The following XKR4 variants were observed in gnomAD, a reference collection of about 807,000 sequenced individuals.
The protein encoded by XKR4 is XK-related protein 4.
A neutral mutation model predicts 53.9 loss-of-function variants in XKR4; 12 were observed. The ratio of observed to expected loss-of-function variants is 0.22; its 90% CI spans 0.14 to 0.36. XKR4 has a LOEUF of 0.36. Ranked by LOEUF, XKR4 falls within the 10% of genes least tolerant of loss-of-function variation. The pLI is 1.00. For missense variants in XKR4, 799 were observed against 859.5 expected (o/e 0.93, Z 0.88); for synonymous variants, 354 against 362.4 (o/e 0.98, Z 0.26).
At chr8:55,223,762 T>G (rs958397579) in intron 1 of XKR4, among the ~76,000 whole-genome samples, 1 of 152,208 alleles carries the variant, frequency 6.6e-6, no homozygotes, top group African/African-American at 2.4e-5. Flanking sequence ...CATGGGTACT[T>G]AAGCAGAAAG....
At chr8:55,411,318 A>G (rs1267450402) in intron 2 of XKR4, among the ~76,000 whole-genome samples, 1 of 152,192 alleles carries the variant, frequency 6.6e-6, no homozygotes, top group Admixed American at 6.5e-5. Context: ...AATTCTTGTG[A>G]GGATTGAATG....
rs1458890381 is a variant in XKR4 at position 55,327,301 on chromosome 8, A to G, written c.807-30377A>G. Among the ~76,000 whole-genome samples, 7 of 152,254 alleles carry G rather than the reference A, an allele frequency of 4.6e-5. No individual in the cohort carries two copies. The South Asian group carries it at 1.2e-3, about 27-fold the overall frequency. On this transcript the variant is annotated intron_variant, in intron 1 of 2. Coordinates refer to ENST00000327381, the MANE Select transcript of XKR4 (RefSeq NM_052898.2). ...TAGGTTTTCTCCCCCATTTAGAAAA[A>G]TAAAATGTTTATAATATATGCTCAA...
intron 2 of XKR4, among the ~76,000 whole-genome samples, chr8:55,487,944 C>T (rs566982431): frequency 1.5e-4 from 23 of 152,218 alleles, no homozygotes; most frequent in South Asian, 2.1e-4. Flanking sequence ...CAAAAATGCA[C>T]TAATCCCTTC....
intron 1 of XKR4, among the ~76,000 whole-genome samples, chr8:55,346,153 T>G (rs1395867382): frequency 6.6e-6 from 1 of 151,694 alleles, no homozygotes; most frequent in Non-Finnish European, 1.5e-5. Flanking sequence ...TGGCACAATC[T>G]TGGCTCACTG....
chr8:55,455,280 G>A lies in XKR4; in HGVS notation c.1007-68001G>A, dbSNP rs564332011. On this transcript the variant is annotated intron_variant, in intron 2 of 2. Transcript: ENST00000327381. ...CGCAGCGGCTGCGGCTGCGGCGGCG[G>A]CCCGGGCTCCAGACACCATCTTCTC... 445 of 165,470 alleles carry A rather than the reference G, an allele frequency of 2.7e-3. 4 individuals carry two copies. The highest frequency in any genetic ancestry group is 0.01 in the African/African-American group (420 of 41,644). The allele number at this position is 165,470 out of a possible 1,614,324, so 10.3% of individuals were successfully genotyped here.
chr8:55,496,444 C>A (rs180891703), intron 2 of XKR4, among the ~76,000 whole-genome samples: 11 of 152,272 alleles, frequency 7.2e-5, no homozygotes, highest in South Asian at 2.1e-4. Context: ...GATTCTGTCC[C>A]TTACAAAAGG....
At chr8:55,346,675 T>G (rs1326720493) in intron 1 of XKR4, among the ~76,000 whole-genome samples, 1 of 128,510 alleles carries the variant, frequency 7.8e-6, no homozygotes, top group African/African-American at 3.4e-5. Context: ...AACAGAAACC[T>G]GTTGAGGTTA....
intron 1 of XKR4, among the ~76,000 whole-genome samples, chr8:55,131,163 AAAC>A (rs56967446): frequency 1.3e-5 from 2 of 150,206 alleles, no homozygotes; most frequent in African/African-American, 4.9e-5. Context: ...GCTGTCTCAA[AAAC>A]AACAACAACA....
intron 2 of XKR4, among the ~76,000 whole-genome samples, chr8:55,478,282 T>C (rs1806036051): frequency 6.6e-6 from 1 of 152,064 alleles, no homozygotes; most frequent in Admixed American, 6.6e-5. Flanking sequence ...ACCCAGAATT[T>C]CATATCCAGC....
intron 1 of XKR4, among the ~76,000 whole-genome samples, chr8:55,310,287 C>T (rs1819370142): frequency 1.3e-5 from 2 of 152,174 alleles, no homozygotes; most frequent in South Asian, 2.1e-4. Context: ...GAATGGGCTC[C>T]GGGGTCAGAC....
At chr8:55,398,685 C>A (rs1804558075) in intron 2 of XKR4, among the ~76,000 whole-genome samples, 1 of 152,200 alleles carries the variant, frequency 6.6e-6, no homozygotes, top group East Asian at 1.9e-4. Context: ...TAATAACATC[C>A]AGGAGGAGAC....
chr8:55,456,066 C>A (rs1805565271), intron 2 of XKR4, among the ~76,000 whole-genome samples: 1 of 152,124 alleles, frequency 6.6e-6, no homozygotes, highest in South Asian at 2.1e-4. Context: ...TGGGGCAAAA[C>A]AATTACTAAG....
At chr8:55,233,661 CA>C (rs1179727452) in intron 1 of XKR4, among the ~76,000 whole-genome samples, 1 of 152,240 alleles carries the variant, frequency 6.6e-6, no homozygotes, top group Non-Finnish European at 1.5e-5. Context: ...GGGACACCCC[CA>C]AAGTATGCAA....
Position 55,537,276 on chromosome 8 carries a change from A to G in XKR4, c.*13049A>G, listed in dbSNP as rs1324524867. On this transcript the variant is annotated 3_prime_UTR_variant, in exon 3 of 3. Coordinates refer to ENST00000327381, the MANE Select transcript of XKR4 (RefSeq NM_052898.2). Reference sequence around the variant, plus strand: ...CGTCAAAGGAAAATTCACCTCCCACAAGGAAAGTCTGAGATGTTCATCCTG... The same window carrying G: ...CGTCAAAGGAAAATTCACCTCCCACGAGGAAAGTCTGAGATGTTCATCCTG... 6.6e-6 allele frequency: 1 copy of G among 152,202 alleles called. No individual in the cohort carries two copies. Among genetic ancestry groups the G allele is most frequent in the Non-Finnish European group, 1.5e-5 (1 of 68,030 alleles). 9.4% of individuals were successfully genotyped at this position (152,202 alleles called of 1,614,324 possible). A position where few individuals can be genotyped will look rare whatever the true frequency, so the allele number is the denominator to read the frequency against.
chr8:55,445,824 A>G (rs1439578712), intron 2 of XKR4, among the ~76,000 whole-genome samples: 1 of 152,216 alleles, frequency 6.6e-6, no homozygotes, highest in African/African-American at 2.4e-5. Flanking sequence ...AGTAGCAACA[A>G]GGTTATTTCA....
intron 1 of XKR4, among the ~76,000 whole-genome samples, chr8:55,336,626 C>A (rs1803465464): frequency 1.3e-5 from 2 of 151,876 alleles, no homozygotes; most frequent in Admixed American, 1.3e-4. Context: ...CCTAAAACTA[C>A]TTCTAAATGA....
chr8:55,179,049 C>A (rs1817273800), intron 1 of XKR4, among the ~76,000 whole-genome samples: 1 of 152,062 alleles, frequency 6.6e-6, no homozygotes, highest in Non-Finnish European at 1.5e-5. Flanking sequence ...AAAAATTAGA[C>A]AAGAGGAAGA....
At chr8:55,490,819 CGCGCAT>C (rs1806260410) in intron 2 of XKR4, among the ~76,000 whole-genome samples, 1 of 152,056 alleles carries the variant, frequency 6.6e-6, no homozygotes, top group East Asian at 1.9e-4. Context: ...TGTGTGCGCA[CGCGCAT>C]GCTTGTGGTT....
At position 55,490,930 on chromosome 8, in the gene XKR4, G is replaced by GCC. The variant is rs113340434; in HGVS notation, c.1007-32342_1007-32341dup. Among the ~76,000 whole-genome samples, 3 of 146,810 alleles carry GCC rather than the reference G, an allele frequency of 2.0e-5. No homozygotes were observed. In the Admixed American group the frequency reaches 2.0e-4, roughly 10 times the overall value. On this transcript the variant is annotated intron_variant, in intron 2 of 2. Coordinates refer to ENST00000327381, the MANE Select transcript of XKR4 (RefSeq NM_052898.2). ...CATTATTTCTTCCAATATTTTTTCT[G>GCC]CCCCCCCCCCACCTTTATGACATTC...
Sources: gnomAD v4.1 joint callset for allele counts (sites outside exome capture counted in the v4.1 genomes callset) on GRCh38, gnomAD v4.1.1 for gene constraint, MANE v1.5 for transcripts, NCBI Gene and HGNC (gene_info 2026-07-23, HGNC 2026-07-21) for gene names.